Variants in TNFSF8 observed in about 807,000 individuals in gnomAD.
The protein encoded by TNFSF8 is tumor necrosis factor ligand superfamily member 8.
A neutral mutation model predicts 22.0 loss-of-function variants in TNFSF8; 4 were observed. The ratio of observed to expected loss-of-function variants is 0.18; its 90% CI spans 0.09 to 0.42. TNFSF8 has a LOEUF of 0.42. Ranked by LOEUF, TNFSF8 falls within the 10% of genes least tolerant of loss-of-function variation. The probability of loss-of-function intolerance (pLI) is 1.00; values close to 1 mark genes in which losing one functional copy is unlikely to be tolerated. For missense variants in TNFSF8, 233 were observed against 281.8 expected, an observed-to-expected ratio of 0.83 and a Z score of 1.24; for synonymous variants, 106 against 112.5, an observed-to-expected ratio of 0.94 and a Z score of 0.37.
intron 2 of TNFSF8, among the ~76,000 whole-genome samples, chr9:114,911,397 T>C (rs1233930963): frequency 6.6e-6 from 1 of 152,210 alleles, no homozygotes; most frequent in Non-Finnish European, 1.5e-5. Flanking sequence ...CAGTGACATC[T>C]AGAGGACAGT....
At chr9:114,904,943 C>CAA (rs895935288) in intron 3 of TNFSF8, among the ~76,000 whole-genome samples, 32 of 152,234 alleles carry the variant, frequency 2.1e-4, no homozygotes, top group South Asian at 1.2e-3. Context: ...AAAGGGCAGC[C>CAA]AAAAATAATT....
chr9:114,930,011 T>C, intron 1 of TNFSF8, 98 bp downstream of exon 1: 1 of 838,248 alleles, frequency 1.2e-6, no homozygotes, highest in Non-Finnish European at 1.7e-6. Context: ...AATTTTATTT[T>C]GTGCTCTTAA....
At chr9:114,900,510 T>A (rs1827704358), downstream of TNFSF8, among the ~76,000 whole-genome samples, 1 of 152,190 alleles carries the variant, frequency 6.6e-6, no homozygotes, top group Admixed American at 6.5e-5. Flanking sequence ...TCCTATAGCC[T>A]TTCTGCAATT....
chr9:114,904,253 T>G lies in TNFSF8; in HGVS notation c.383A>C (p.Asp128Ala), dbSNP rs369903627. The change falls in exon 4 of 4, where the codon GAT becomes GCT. Residue 128 changes from aspartate to alanine, a missense_variant. By Grantham distance (126) the Asp-to-Ala change is moderately radical (BLOSUM62 -2). Transcript: ENST00000223795. Reference protein sequence around the residue: ...DGILHGVRYQDGNLVIQFPGL... With the variant: ...DGILHGVRYQAGNLVIQFPGL... ...AGGGAATTGGATCACCAGATTCCCA[T>G]CCTGATATCTGACTCCATGGAGAAT... The G allele has an allele frequency of 2.5e-6, 4 of 1,614,024 alleles. No individual in the cohort carries two copies. Among genetic ancestry groups the G allele is most frequent in the African/African-American group, 1.3e-5 (1 of 74,944 alleles).
intron 3 of TNFSF8, among the ~76,000 whole-genome samples, chr9:114,905,406 G>A (rs1249818404): frequency 6.6e-6 from 1 of 152,050 alleles, no homozygotes; most frequent in African/African-American, 2.4e-5. Context: ...CAATTTTATG[G>A]TTCCCTTGTG....
intron 2 of TNFSF8, among the ~76,000 whole-genome samples, chr9:114,910,318 C>A (rs554009045): frequency 6.6e-6 from 1 of 152,258 alleles, no homozygotes; most frequent in Admixed American, 6.5e-5. Flanking sequence ...TAGCTCTCAC[C>A]TTGAGATTTC....
rs1289130375 is a variant in TNFSF8 at position 114,918,105 on chromosome 9, G to A, written c.229C>T (p.Leu77Phe). The A allele has an allele frequency of 6.2e-7, 1 of 1,607,992 alleles. No homozygotes were observed. Among genetic ancestry groups the A allele is most frequent in the Middle Eastern group, 1.7e-4 (1 of 6,024 alleles). Residue 77 changes from leucine to phenylalanine, a missense_variant, in exon 2 of 4, where the codon CTC (leucine) becomes TTC (phenylalanine). Coordinates refer to ENST00000223795, the MANE Select transcript of TNFSF8 (RefSeq NM_001244.4). The stretch of plus-strand genomic sequence containing the variant: ...AATTCCAAGATCTTACCTCCTTTGA[G>A]GGGGACGTTGTCAGGTGAGTTGGGA... ...SIPNSPDNVP[L>F]KGGNCSEDLL...
At chr9:114,921,667 C>G (rs897267868) in intron 1 of TNFSF8, among the ~76,000 whole-genome samples, 9 of 152,204 alleles carry the variant, frequency 5.9e-5, no homozygotes, top group African/African-American at 2.2e-4. Context: ...AATTCTCTCC[C>G]TAATCTTGTC....
In TNFSF8 at chr9:114,930,143, AC is replaced by A; in HGVS notation, c.160del (p.Val54TrpfsTer37). On this transcript the variant is annotated frameshift_variant, in exon 1 of 4. Coordinates refer to ENST00000223795, the MANE Select transcript of TNFSF8 (RefSeq NM_001244.4). LOFTEE classifies it high-confidence loss of function. Reference protein sequence around the residue: ...ATLALCLVFTVATIMVLVVQR... With the variant: ...ATLALCLVFTXATIMVLVVQR... ...AACGACCAACACCATAATAGTGGCC[AC>A]CGTGAAGACAAGGCACAGAGCCAGA... 6.3e-7 allele frequency: 1 copy of A among 1,578,136 alleles called. No individual in the cohort carries two copies. The highest frequency in any genetic ancestry group is 8.6e-7 in the Non-Finnish European group (1 of 1,162,362).
chr9:114,909,309 C>G (rs2208639), intron 2 of TNFSF8, among the ~76,000 whole-genome samples: 1 of 152,116 alleles, frequency 6.6e-6, no homozygotes, highest in Non-Finnish European at 1.5e-5. Context: ...TGCAATGTCC[C>G]TGGAATTCTG....
At chr9:114,917,611 A>T (rs555092725) in intron 2 of TNFSF8, among the ~76,000 whole-genome samples, 2 of 152,336 alleles carry the variant, frequency 1.3e-5, no homozygotes, top group South Asian at 2.1e-4. Context: ...TATGCATTTT[A>T]GCTATTACTA....
At chr9:114,924,195 A>G (rs1828028613) in intron 1 of TNFSF8, among the ~76,000 whole-genome samples, 2 of 152,236 alleles carry the variant, frequency 1.3e-5, no homozygotes, top group Admixed American at 6.5e-5. Context: ...GTTAAAATGC[A>G]GATTCGGATT....
At chr9:114,926,897 G>T (rs940824657) in intron 1 of TNFSF8, among the ~76,000 whole-genome samples, 2 of 148,152 alleles carry the variant, frequency 1.3e-5, no homozygotes, top group Non-Finnish European at 3.0e-5. Context: ...AACCATGTAA[G>T]TATAGTATTT....
At chr9:114,906,329 A>G (rs536295088) in intron 2 of TNFSF8, among the ~76,000 whole-genome samples, 1 of 152,376 alleles carries the variant, frequency 6.6e-6, no homozygotes, top group Non-Finnish European at 1.5e-5. Flanking sequence ...CTTGCCAGGC[A>G]GTGGTAGTGA....
chr9:114,913,174 A>G (rs2208640), intron 2 of TNFSF8, among the ~76,000 whole-genome samples: 54,977 of 152,046 alleles, frequency 0.36, 10,474 homozygotes, highest in Admixed American at 0.45. Flanking sequence ...AACTTTGGCT[A>G]CAGACTGAAT....
Position 114,901,384 on chromosome 9 carries a change from G to T in TNFSF8, c.*2547C>A, listed in dbSNP as rs974208101. The T allele has an allele frequency of 3.0e-4, 291 of 985,186 alleles. No individual in the cohort carries two copies. The highest frequency in any genetic ancestry group is 1.6e-3 in the Middle Eastern group (3 of 1,914). 61.0% of individuals were successfully genotyped at this position (985,186 alleles called of 1,614,324 possible). A position where few individuals can be genotyped will look rare whatever the true frequency, so the allele number is the denominator to read the frequency against. ...AATGATGTACCCCTTGTGTCTTTAGGTGTTGGCTTTCTTAGCATTGCTTGA... is the reference window on the plus strand; with the variant it reads ...AATGATGTACCCCTTGTGTCTTTAGTTGTTGGCTTTCTTAGCATTGCTTGA... On this transcript the variant is annotated 3_prime_UTR_variant, in exon 4 of 4. Transcript: ENST00000223795.
chr9:114,928,783 C>T (rs1366564201), intron 1 of TNFSF8, among the ~76,000 whole-genome samples: 1 of 152,192 alleles, frequency 6.6e-6, no homozygotes, highest in Non-Finnish European at 1.5e-5. Context: ...CAAATATTTG[C>T]AACTCCTTCT....
rs375274414 is a variant in TNFSF8 at position 114,904,134 on chromosome 9, T to C, written c.502A>G (p.Ile168Val). Reference sequence around the variant, plus strand: ...ACTGTCACCAGGGCCTGTTTTTTGATATGCTTGTTGATGAGAAGCTCCAAC... The same window carrying C: ...ACTGTCACCAGGGCCTGTTTTTTGACATGCTTGTTGATGAGAAGCTCCAAC... ...LKLELLINKH[I>V]KKQALVTVCE... Residue 168 changes from isoleucine to valine, a missense_variant, in exon 4 of 4, where the codon ATC becomes GTC. Physicochemically the swap from Ile to Val is conservative, Grantham distance 29 (BLOSUM62 3). Coordinates refer to ENST00000223795, the MANE Select transcript of TNFSF8 (RefSeq NM_001244.4). 8.7e-6 allele frequency: 14 copies of C among 1,614,008 alleles called. No individual in the cohort carries two copies. Among genetic ancestry groups the C allele is most frequent in the Non-Finnish European group, 1.2e-5 (14 of 1,179,992 alleles).
rs1208441893 is a variant in TNFSF8 at position 114,902,140 on chromosome 9, A to G, written c.*1791T>C. 3 of 985,208 alleles carry G rather than the reference A, an allele frequency of 3.0e-6. No homozygotes were observed. In the African/African-American group the frequency reaches 5.2e-5, roughly 17 times the overall value. The allele number at this position is 985,208 out of a possible 1,614,324, so 61.0% of individuals were successfully genotyped here. A position where few individuals can be genotyped will look rare whatever the true frequency, so the allele number is the denominator to read the frequency against. ...CTTCCACAAATAAGATGTTCCTCCA[A>G]AGATGATGTACAGATGCCAAGTTGG... On this transcript the variant is annotated 3_prime_UTR_variant, in exon 4 of 4. Coordinates refer to ENST00000223795, the MANE Select transcript of TNFSF8 (RefSeq NM_001244.4).
Sources: allele counts gnomAD v4.1 joint callset (sites outside exome capture counted in the v4.1 genomes callset), GRCh38; gene constraint gnomAD v4.1.1; transcripts MANE v1.5; gene names NCBI Gene and HGNC (gene_info 2026-07-23, HGNC 2026-07-21).